Variants in MAX observed in about 807,000 individuals in gnomAD.
MAX encodes protein max.
A neutral mutation model predicts 22.3 loss-of-function variants in MAX; 3 were observed. That is an observed-to-expected ratio of 0.13 (90% CI 0.06 to 0.35). MAX has a LOEUF of 0.35. Among genes scored for constraint, MAX ranks in the 10% least tolerant of loss-of-function variants. MAX has a pLI of 1.00. For synonymous variants in MAX, 72 were observed against 77.7 expected (o/e 0.93, Z 0.39); for missense variants, 119 against 209.4 (o/e 0.57, Z 2.66).
At chr14:65,094,116 C>A (rs914864085) in intron 2 of MAX, 1 of 392,336 alleles carries the variant, frequency 2.5e-6, no homozygotes, top group Non-Finnish European at 4.9e-6. Flanking sequence ...CATCAGTGGT[C>A]CCCCCCAACT....
rs893143850 is a variant in MAX at position 65,009,057 on chromosome 14, G to A, written c.172-2773C>T. On this transcript the variant is annotated intron_variant, in intron 3 of 3. Transcript: ENST00000341653. This position sits in a 1 kb window ranked among gnomAD's most constrained non-coding sequence, Gnocchi z 4.2. ...CTCCATGTAATTGAATGGTTTTGGG[G>A]CTGAATTGTTCAGGTAAAAATAGGA... is the stretch of plus-strand genomic sequence containing the variant. 6.6e-6 allele frequency among the ~76,000 whole-genome samples: 1 copy of A among 152,134 alleles called. No homozygotes were observed. Among genetic ancestry groups the A allele is most frequent in the Non-Finnish European group, 1.5e-5 (1 of 68,028 alleles).
At chr14:65,024,754 T>C (rs1477395153) in intron 3 of MAX, among the ~76,000 whole-genome samples, 3 of 152,134 alleles carry the variant, frequency 2.0e-5, no homozygotes, top group Non-Finnish European at 4.4e-5. Flanking sequence ...GTCTCTATGA[T>C]AAGTTTTTCT....
Position 65,031,552 on chromosome 14 carries a change from G to A in MAX, c.172-25268C>T, listed in dbSNP as rs572256129. ...AGGTTGGTCTTGAACTCCTGGCCTC[G>A]TGATCCACCTGCCTCAGCCTCCCAA... is the stretch of plus-strand genomic sequence containing the variant. On this transcript the variant is annotated intron_variant, in intron 3 of 3. Coordinates refer to the MAX transcript ENST00000341653. The surrounding 1 kb of genome is among the most constrained non-coding windows in gnomAD (Gnocchi z 4.6). 3.6e-4 allele frequency among the ~76,000 whole-genome samples: 55 copies of A among 150,988 alleles called. No homozygotes were observed. Among genetic ancestry groups the A allele is most frequent in the African/African-American group, 1.2e-3 (51 of 41,232 alleles).
At chr14:65,071,267 G>A (rs1450838786), downstream of MAX, among the ~76,000 whole-genome samples, 3 of 151,896 alleles carry the variant, frequency 2.0e-5, no homozygotes, top group African/African-American at 7.3e-5. The surrounding 1 kb of genome is among the most constrained non-coding windows in gnomAD (Gnocchi z 4.2). Context: ...TCAGTCTCCC[G>A]AGTAGCTGGG....
At chr14:65,048,727 T>C (rs2062542132) in intron 3 of MAX, among the ~76,000 whole-genome samples, 1 of 152,114 alleles carries the variant, frequency 6.6e-6, no homozygotes, top group Non-Finnish European at 1.5e-5. Flanking sequence ...TGGTGGCACA[T>C]GCCTGTAGTC....
At chr14:65,010,502 C>A (rs564754458) in intron 3 of MAX, among the ~76,000 whole-genome samples, 3 of 152,232 alleles carry the variant, frequency 2.0e-5, no homozygotes, top group Non-Finnish European at 4.4e-5. Flanking sequence ...CACACTAGTT[C>A]GGGCCCTAAG....
intron 3 of MAX, among the ~76,000 whole-genome samples, chr14:65,035,570 C>G (rs919525186): frequency 1.3e-5 from 2 of 152,090 alleles, no homozygotes; most frequent in African/African-American, 2.4e-5. Context: ...TGCTCTGTTG[C>G]ACGAGCTGGA....
chr14:65,058,651 G>A (rs2062795471), intron 3 of MAX, among the ~76,000 whole-genome samples: 2 of 152,110 alleles, frequency 1.3e-5, no homozygotes, highest in African/African-American at 4.8e-5. Context: ...TGATTTGCTA[G>A]GTTGTTTTTG....
At position 65,012,328 on chromosome 14, in the gene MAX, A is replaced by G; in HGVS notation, c.172-6044T>C. 3.7e-6 allele frequency: 6 copies of G among 1,614,154 alleles called. No individual in the cohort carries two copies. Among genetic ancestry groups the G allele is most frequent in the African/African-American group, 1.3e-5 (1 of 75,056 alleles). On this transcript the variant is annotated intron_variant, in intron 3 of 3. Transcript: ENST00000341653. The surrounding 1 kb of genome is among the most constrained non-coding windows in gnomAD (Gnocchi z 5.0). ...GTTTGTCTTTCCAGGCTTGTTTTGC[A>G]GAGGGAGAAGCACTTCCATTATCTG...
At chr14:65,015,469 C>A in intron 3 of MAX, 2 of 283,968 alleles carry the variant, frequency 7.0e-6, no homozygotes, top group East Asian at 6.5e-5. Flanking sequence ...GCTAAGGCCA[C>A]AAAGCAAAGT....
intron 3 of MAX, chr14:65,040,744 G>C (rs763790962): frequency 1.3e-6 from 2 of 1,594,850 alleles, no homozygotes. Context: ...TCTTGTGTAC[G>C]TCCACTCACT....
chr14:65,057,093 T>A (rs1200415832), intron 3 of MAX, among the ~76,000 whole-genome samples: 1 of 152,160 alleles, frequency 6.6e-6, no homozygotes, highest in Non-Finnish European at 1.5e-5. Flanking sequence ...CACGCACTAC[T>A]GCAAGAACAG....
rs574289349 is a variant in MAX, at chr14:65,087,591, G to T, written c.171+6117C>A. ...CATGAGGCCTGTAGCCCCTTTTTTT[G>T]ACCGATTTCTCCCATTTGGAATGGC... On this transcript the variant is annotated intron_variant, in intron 3 of 4. Coordinates refer to ENST00000358664, the MANE Select transcript of MAX (RefSeq NM_002382.5). 5.5e-4 allele frequency among the ~76,000 whole-genome samples: 84 copies of T among 152,102 alleles called. 2 individuals carry two copies. Among genetic ancestry groups the T allele is most frequent in the East Asian group, 3.9e-4 (2 of 5,170 alleles).
At chr14:65,085,199 AC>A (rs2063299800) in intron 3 of MAX, among the ~76,000 whole-genome samples, 1 of 152,110 alleles carries the variant, frequency 6.6e-6, no homozygotes. Flanking sequence ...TCAAATTTTC[AC>A]CTGTTTAACT....
At position 65,011,070 on chromosome 14, in the gene MAX, A is replaced by G. The variant is rs1024067683; in HGVS notation, c.172-4786T>C. Among the ~76,000 whole-genome samples, 5 of 152,174 alleles carry G rather than the reference A, an allele frequency of 3.3e-5. No homozygotes were observed. The highest frequency in any genetic ancestry group is 3.3e-4 in the Admixed American group (5 of 15,280). The stretch of plus-strand genomic sequence containing the variant: ...TGTTTTTCCCTTGCAAAACCTACCC[A>G]TTCTTTCCTTGTAGCCATTGATATA... On this transcript the variant is annotated intron_variant, in intron 3 of 3. Transcript: ENST00000341653. This position sits in a 1 kb window ranked among gnomAD's most constrained non-coding sequence, Gnocchi z 4.0.
chr14:65,100,131 G>C (rs1367201390), intron 2 of MAX, among the ~76,000 whole-genome samples: 1 of 152,148 alleles, frequency 6.6e-6, no homozygotes, highest in Non-Finnish European at 1.5e-5. Flanking sequence ...ATAACATAAA[G>C]TTTTAGATTT....
At position 65,032,499 on chromosome 14, in the gene MAX, A is replaced by C; in HGVS notation, c.172-26215T>G. 1 of 1,118,926 alleles carries C rather than the reference A, an allele frequency of 8.9e-7. No homozygotes were observed. The highest frequency in any genetic ancestry group is 1.3e-6 in the Non-Finnish European group (1 of 797,386). 69.3% of individuals were successfully genotyped at this position (1,118,926 alleles called of 1,614,324 possible). A position where few individuals can be genotyped will look rare whatever the true frequency, so the allele number is the denominator to read the frequency against. On this transcript the variant is annotated intron_variant, in intron 3 of 3. Transcript: ENST00000341653. The surrounding 1 kb of genome is among the most constrained non-coding windows in gnomAD (Gnocchi z 5.0). ...CTGACCGTGTGCCAAGAGTGAGGAC[A>C]GGAGGTGATTACAGCTTACTAGGCA...
intron 3 of MAX, among the ~76,000 whole-genome samples, chr14:65,037,772 A>G (rs1383336443): frequency 7.1e-6 from 1 of 141,148 alleles, no homozygotes; most frequent in Non-Finnish European, 1.5e-5. Context: ...TTATTTATTT[A>G]TTTATTTATT....
Position 65,044,208 on chromosome 14 carries a change from G to GA in MAX, c.172-37925dup. On this transcript the variant is annotated intron_variant, in intron 3 of 3. Transcript: ENST00000341653. This position sits in a 1 kb window ranked among gnomAD's most constrained non-coding sequence, Gnocchi z 5.5. ...AAACTAGAGTGCCAAGAAGCCACAA[G>GA]ATGGGAAACCCTCCATCCCACAGAT... The GA allele has an allele frequency of 1.9e-6, 3 of 1,580,998 alleles. No homozygotes were observed. The highest frequency in any genetic ancestry group is 1.7e-6 in the Non-Finnish European group (2 of 1,165,024).
Sources: allele counts gnomAD v4.1 joint callset (sites outside exome capture counted in the v4.1 genomes callset), GRCh38; gene constraint gnomAD v4.1.1; non-coding constraint Gnocchi (gnomAD v3.1); transcripts MANE v1.5; gene names NCBI Gene and HGNC (gene_info 2026-07-23, HGNC 2026-07-21).